PRMT7: variants seen among roughly 807,000 people sequenced by gnomAD.
PRMT7 encodes protein arginine methyltransferase 7.
Under a neutral mutation model 85.4 loss-of-function variants are expected in PRMT7, and 75 were observed. The observed-to-expected ratio is 0.88, with a 90% CI of 0.73 to 1.06. The LOEUF (loss-of-function observed/expected upper bound fraction) is 1.06, where lower values mean the gene tolerates loss of function less well. PRMT7 is among the 50% of genes least tolerant of loss of function. The probability of loss-of-function intolerance (pLI) is 0.00; values close to 1 mark genes in which losing one functional copy is unlikely to be tolerated. For missense variants in PRMT7, 868 were observed against 915.2 expected, an observed-to-expected ratio of 0.95 and a Z score of 0.67; for synonymous variants, 397 against 359.5, an observed-to-expected ratio of 1.10 and a Z score of -1.18.
intron 2 of PRMT7, among the ~76,000 whole-genome samples, chr16:68,314,800 T>G (rs1368625250): frequency 3.3e-5 from 5 of 152,102 alleles, no homozygotes; most frequent in Non-Finnish European, 7.4e-5. Context: ...AGCGGTGGTG[T>G]TTCTCTCCCT....
At chr16:68,354,758 C>T (rs3785126) in intron 16 of PRMT7, 75,114 of 152,350 alleles carry the variant, frequency 0.49, 19,435 homozygotes, top group East Asian at 0.78. Context: ...GGTCCTGGGC[C>T]AGTGTCTGTC....
Position 68,329,053 on chromosome 16 carries a change from C to G in PRMT7, c.283-13C>G, listed in dbSNP as rs1402637489. 1 of 1,574,996 alleles carries G rather than the reference C, an allele frequency of 6.3e-7. No individual in the cohort carries two copies. ...TTGCTCATTTTTCCTTGGGTTTCGG[C>G]TCTATTTTCTAGGTTTTCAAGCCTA... On this transcript the variant is annotated splice_polypyrimidine_tract_variant and intron_variant, in intron 5 of 18. Coordinates refer to ENST00000441236, the MANE Select transcript of PRMT7 (RefSeq NM_019023.5).
chr16:68,311,694 C>T (rs1214854835), intron 1 of PRMT7: 1 of 152,196 alleles, frequency 6.6e-6, no homozygotes, highest in Admixed American at 6.5e-5. Flanking sequence ...GCACATTTTG[C>T]TTATGCAACC....
intron 13 of PRMT7, 104 bp downstream of exon 13, chr16:68,347,782 C>T (rs1284523370): frequency 5.7e-6 from 6 of 1,044,784 alleles, no homozygotes; most frequent in Admixed American, 2.0e-5. Flanking sequence ...AGTGGTGGCT[C>T]GCTTGCACCC....
chr16:68,351,961 CCTCTTCTG>C, intron 14 of PRMT7: 2 of 277,422 alleles, frequency 7.2e-6, no homozygotes, highest in Non-Finnish European at 6.8e-6. Context: ...TGTCTGCTTC[CCTCTTCTG>C]CTCTGCTCTC....
chr16:68,353,448 T>C, intron 15 of PRMT7, 44 bp from the exon 16 acceptor site: 1 of 1,609,168 alleles, frequency 6.2e-7, no homozygotes, highest in Admixed American at 1.7e-5. Flanking sequence ...CGCTTCCCTG[T>C]GTCCTGGCGG....
chr16:68,357,383 T>A lies in PRMT7; in HGVS notation c.*159T>A. On this transcript the variant is annotated 3_prime_UTR_variant, in exon 19 of 19. Coordinates refer to ENST00000441236, the MANE Select transcript of PRMT7 (RefSeq NM_019023.5). ...GTTGCATCTTGTTGCATCTTTGCACTGCTGGCCTCTGGCTCCAGCTGTGGC... is the reference window on the plus strand; with the variant it reads ...GTTGCATCTTGTTGCATCTTTGCACAGCTGGCCTCTGGCTCCAGCTGTGGC... 1 of 753,094 alleles carries A rather than the reference T, an allele frequency of 1.3e-6. No homozygotes were observed. The highest frequency in any genetic ancestry group is 2.1e-6 in the Non-Finnish European group (1 of 486,070). 46.7% of individuals were successfully genotyped at this position (753,094 alleles called of 1,614,324 possible).
At position 68,356,819 on chromosome 16, in the gene PRMT7, C is replaced by T. The variant is rs150230914; in HGVS notation, c.1908+22C>T. 5.0e-6 allele frequency: 8 copies of T among 1,590,576 alleles called. No individual in the cohort carries two copies. The East Asian group carries it at 1.4e-4, about 27-fold the overall frequency. The stretch of plus-strand genomic sequence containing the variant: ...CGAGGTAGTGCCTGCGCACCGGGCC[C>T]AGTGTGCGTGCAGACCCTGAGAGCA... On this transcript the variant is annotated intron_variant, in intron 18 of 18. Coordinates refer to ENST00000441236, the MANE Select transcript of PRMT7 (RefSeq NM_019023.5).
intron 3 of PRMT7, among the ~76,000 whole-genome samples, chr16:68,319,705 A>AGTGTGTGTGTGTGT (rs1567638319): frequency 1.6e-4 from 8 of 50,766 alleles, no homozygotes; most frequent in African/African-American, 7.3e-4. Flanking sequence ...TCTCAATAAG[A>AGTGTGTGTGTGTGT]GTGAGAGTGT....
intron 2 of PRMT7, 134 bp downstream of exon 2, chr16:68,312,310 C>T (rs1175759513): frequency 6.6e-6 from 1 of 151,122 alleles, no homozygotes; most frequent in Non-Finnish European, 1.5e-5. Flanking sequence ...GCAACCTCTG[C>T]CTCCCGGGCT....
At chr16:68,353,391 T>C in intron 15 of PRMT7, 101 bp from the exon 16 acceptor site, 3 of 1,575,980 alleles carry the variant, frequency 1.9e-6, no homozygotes, top group Non-Finnish European at 2.6e-6. Context: ...GGGGTCTCTT[T>C]CAGGTGTGCA....
chr16:68,351,900 T>C (rs545288793), intron 14 of PRMT7: 3 of 179,558 alleles, frequency 1.7e-5, no homozygotes, highest in Admixed American at 1.2e-4. Context: ...CTGGGCTCCC[T>C]CCATGACCCC....
Position 68,339,787 on chromosome 16 carries a change from G to A in PRMT7, c.747-1G>A. On this transcript the variant is annotated splice_acceptor_variant, in intron 8 of 18. Coordinates refer to ENST00000441236, the MANE Select transcript of PRMT7 (RefSeq NM_019023.5). LOFTEE classifies it high-confidence loss of function. ...TTACATTCTTGAATATTATTCCTCA[G>A]CATAGACTTCAGCAAGCAAGTCAGT... 6.2e-7 allele frequency: 1 copy of A among 1,612,878 alleles called. No homozygotes were observed. Among genetic ancestry groups the A allele is most frequent in the Non-Finnish European group, 8.5e-7 (1 of 1,178,800 alleles).
Position 68,356,722 on chromosome 16 carries a change from G to A in PRMT7, c.1833G>A (p.Ala611=), listed in dbSNP as rs778591460. 3.0e-5 allele frequency: 48 copies of A among 1,611,828 alleles called. No homozygotes were observed. Among genetic ancestry groups the A allele is most frequent in the Admixed American group, 3.3e-5 (2 of 59,956 alleles). Residue 611 remains alanine, a synonymous_variant, in exon 18 of 19, where the codon GCG becomes GCA. Transcript: ENST00000441236. ...ELRRPGQSHA[A]VLWMEYHLTP... is the part of the protein sequence containing the mutation. The stretch of plus-strand genomic sequence containing the variant: ...ACAGGCCCGGGCAGAGCCACGCAGC[G>A]GTGCTATGGATGGAGTACCACCTGA...
chr16:68,329,871 A>G (rs1417263254), intron 6 of PRMT7, among the ~76,000 whole-genome samples: 2 of 148,802 alleles, frequency 1.3e-5, no homozygotes, highest in Admixed American at 1.3e-4. Flanking sequence ...CAGAATATGT[A>G]TATGTACACA....
Position 68,357,274 on chromosome 16 carries a change from A to G in PRMT7, c.*50A>G. On this transcript the variant is annotated 3_prime_UTR_variant, in exon 19 of 19. Coordinates refer to ENST00000441236, the MANE Select transcript of PRMT7 (RefSeq NM_019023.5). ...TGAGGGCTGGGGTTCTGAGTGGCTC[A>G]TGGCTTTCTAGCGGGGAAGGCTGAA... 6.5e-7 allele frequency: 1 copy of G among 1,546,360 alleles called. No individual in the cohort carries two copies. Among genetic ancestry groups the G allele is most frequent in the Non-Finnish European group, 8.8e-7 (1 of 1,142,258 alleles).
At chr16:68,321,515 A>G in intron 4 of PRMT7, 53 bp downstream of exon 4, 1 of 1,520,448 alleles carries the variant, frequency 6.6e-7, no homozygotes, top group Non-Finnish European at 9.1e-7. Flanking sequence ...GAAGTCTTGG[A>G]TTACAAGAAG....
Position 68,339,426 on chromosome 16 carries a change from C to A in PRMT7, c.609C>A (p.Thr203=). ...AGCTATTTCCCATCCACGTGCAGAC[C>A]AGCCTCGGAGAGCAGGTCATCGTCC... The part of the protein sequence containing the change: ...WNKLFPIHVQ[T]SLGEQVIVPP... Residue 203 remains threonine, a synonymous_variant, in exon 8 of 19, where the codon ACC becomes ACA. Coordinates refer to ENST00000441236, the MANE Select transcript of PRMT7 (RefSeq NM_019023.5). The A allele has an allele frequency of 1.2e-6, 2 of 1,614,204 alleles. No individual in the cohort carries two copies. Among genetic ancestry groups the A allele is most frequent in the Non-Finnish European group, 1.7e-6 (2 of 1,180,036 alleles).
intron 9 of PRMT7, among the ~76,000 whole-genome samples, chr16:68,341,601 G>A (rs1478529151): frequency 6.6e-6 from 1 of 152,106 alleles, no homozygotes; most frequent in Non-Finnish European, 1.5e-5. Flanking sequence ...TAGAGATGGG[G>A]TTTCTCCACG....
Sources: gnomAD v4.1 joint callset for allele counts (sites outside exome capture counted in the v4.1 genomes callset) on GRCh38, gnomAD v4.1.1 for gene constraint, MANE v1.5 for transcripts, NCBI Gene and HGNC (gene_info 2026-07-23, HGNC 2026-07-21) for gene names.